SYNE1: variants seen among roughly 807,000 people sequenced by gnomAD.
SYNE1 encodes the protein spectrin repeat containing nuclear envelope protein 1.
SYNE1 carries 616 observed loss-of-function variants against 1,111.0 expected under a neutral mutation model. The ratio of observed to expected loss-of-function variants is 0.55; its 90% CI spans 0.52 to 0.59. The LOEUF is 0.59. Ranked by LOEUF, SYNE1 falls within the 20% of genes least tolerant of loss-of-function variation. The pLI, the probability that SYNE1 is intolerant of heterozygous loss-of-function variation, is 0.00. For missense variants in SYNE1, 10,006 were observed against 10,417.0 expected (o/e 0.96, Z 1.72); for synonymous variants, 3,855 against 3,825.8 (o/e 1.01, Z -0.28).
chr6:152,366,638 G>A (rs988036650), intron 62 of SYNE1, among the ~76,000 whole-genome samples: 1 of 152,130 alleles, frequency 6.6e-6, no homozygotes, highest in African/African-American at 2.4e-5. Flanking sequence ...AAATACATCT[G>A]CATCTGTGGT....
intron 6 of SYNE1, among the ~76,000 whole-genome samples, chr6:152,516,508 C>T (rs558861824): frequency 1.3e-5 from 2 of 152,282 alleles, no homozygotes; most frequent in South Asian, 4.1e-4. Flanking sequence ...ATCAATATAA[C>T]TCAGAATGAA....
chr6:152,572,724 A>C (rs2099469692), intron 3 of SYNE1, among the ~76,000 whole-genome samples: 1 of 152,196 alleles, frequency 6.6e-6, no homozygotes, highest in Non-Finnish European at 1.5e-5. Context: ...AAAAGGAGAG[A>C]GAGCGGAGGT....
intron 3 of SYNE1, among the ~76,000 whole-genome samples, chr6:152,591,986 G>C (rs1009991427): frequency 4.6e-5 from 7 of 152,018 alleles, no homozygotes; most frequent in African/African-American, 1.4e-4. Flanking sequence ...TCTCACACTA[G>C]TCAGAATGGA....
At chr6:152,434,182 C>T (rs976220342) in intron 33 of SYNE1, 3 of 523,490 alleles carry the variant, frequency 5.7e-6, no homozygotes, top group Non-Finnish European at 1.0e-5. Flanking sequence ...AGTGAAACTG[C>T]ACTTTGAACA....
At chr6:152,413,325 A>T (rs201969038) in intron 42 of SYNE1, 27 bp downstream of exon 42, 205 of 1,613,874 alleles carry the variant, frequency 1.3e-4, no homozygotes, top group Admixed American at 2.0e-4. Flanking sequence ...GAAGCTAAAA[A>T]CAAGAACTGG....
intron 46 of SYNE1, among the ~76,000 whole-genome samples, chr6:152,403,099 G>C (rs927932218): frequency 1.3e-5 from 2 of 152,130 alleles, no homozygotes; most frequent in African/African-American, 4.8e-5. Context: ...CAAAGAGAAA[G>C]CACAAGAAGA....
rs867622507 is a variant in SYNE1 at position 152,437,612 on chromosome 6, G to A, written c.4150-1511C>T. On this transcript the variant is annotated intron_variant, in intron 32 of 145. Transcript: ENST00000367255. ...AGTTGATTTAGTATGTATGTGGCTG[G>A]TAAATATTAGATGTTACCTGAATTT... 2.0e-5 allele frequency among the ~76,000 whole-genome samples: 3 copies of A among 152,044 alleles called. No individual in the cohort carries two copies. In the South Asian group the frequency reaches 6.2e-4, roughly 32 times the overall value.
chr6:152,171,119 C>T (rs553785838), intron 130 of SYNE1, among the ~76,000 whole-genome samples: 28 of 152,290 alleles, frequency 1.8e-4, no homozygotes, highest in African/African-American at 6.3e-4. Context: ...CACCCAGTCT[C>T]GAGTTGTCTT....
At chr6:152,474,824 T>C (rs917850821) in intron 14 of SYNE1, among the ~76,000 whole-genome samples, 5 of 152,170 alleles carry the variant, frequency 3.3e-5, no homozygotes, top group Non-Finnish European at 7.3e-5. Flanking sequence ...CTAGAGTTTA[T>C]AACTTTCTTG....
intron 2 of SYNE1, among the ~76,000 whole-genome samples, chr6:152,630,483 T>C (rs567625626): frequency 6.6e-6 from 1 of 152,300 alleles, no homozygotes. Context: ...CTGTATATCC[T>C]GGGGAAAAAT....
chr6:152,307,260 A>G (rs1160129077), intron 91 of SYNE1, among the ~76,000 whole-genome samples: 2 of 152,228 alleles, frequency 1.3e-5, no homozygotes, highest in Non-Finnish European at 2.9e-5. Context: ...TCATATATAA[A>G]TGAAAATTAT....
intron 3 of SYNE1, among the ~76,000 whole-genome samples, chr6:152,600,827 A>G (rs1202760989): frequency 6.6e-6 from 1 of 152,196 alleles, no homozygotes; most frequent in Non-Finnish European, 1.5e-5. Context: ...AAAATTTTTC[A>G]GTAATTCAGA....
Position 152,325,198 on chromosome 6 carries a change from C to A in SYNE1, c.15543G>T (p.Leu5181=). 6.2e-7 allele frequency: 1 copy of A among 1,614,128 alleles called. No individual in the cohort carries two copies. Among genetic ancestry groups the A allele is most frequent in the Non-Finnish European group, 8.5e-7 (1 of 1,180,046 alleles). The change falls in exon 81 of 146, where the codon CTG becomes CTT. Residue 5181 remains leucine (L), a synonymous_variant. Coordinates refer to ENST00000367255, the MANE Select transcript of SYNE1 (RefSeq NM_182961.4). ...GCCAGACGGTGGTCATTGACCTGCT[C>A]AGGGTGGCTTTGCTGGCATCATTTC... ...KTGNDASKAT[L]SRSMTTVWQR...
intron 76 of SYNE1, chr6:152,336,633 C>T (rs994126569): frequency 1.5e-6 from 1 of 649,094 alleles, no homozygotes; most frequent in Non-Finnish European, 2.7e-6. Context: ...TGCTTGCTCG[C>T]CTCCCACTGT....
At position 152,242,453 on chromosome 6, in the gene SYNE1, G is replaced by C; in HGVS notation, c.19693-13C>G. 6.2e-7 allele frequency: 1 copy of C among 1,613,596 alleles called. No individual in the cohort carries two copies. Among genetic ancestry groups the C allele is most frequent in the South Asian group, 1.1e-5 (1 of 91,058 alleles). On this transcript the variant is annotated splice_polypyrimidine_tract_variant and intron_variant, in intron 106 of 145. Coordinates refer to ENST00000367255, the MANE Select transcript of SYNE1 (RefSeq NM_182961.4). ...CATCATACATGTCCTAAGAAGCAGA[G>C]ACCACAAGACTCACTCTCAATTCAT...
chr6:152,440,868 G>A (rs2098523441), intron 32 of SYNE1, among the ~76,000 whole-genome samples: 1 of 152,002 alleles, frequency 6.6e-6, no homozygotes, highest in South Asian at 2.1e-4. Context: ...CGCGCGGCCT[G>A]CCTCCAGATT....
Position 152,171,549 on chromosome 6 carries a change from G to A in SYNE1, c.23627+4845C>T, listed in dbSNP as rs540430061. Among the ~76,000 whole-genome samples, 13 of 152,274 alleles carry A rather than the reference G, an allele frequency of 8.5e-5. No homozygotes were observed. The East Asian group carries it at 1.5e-3, about 18-fold the overall frequency. The stretch of plus-strand genomic sequence containing the variant: ...TATGAAGGAGAAGCCTACTGAGCCC[G>A]TAAGAAGAATCTGATCTAATCTGGA... On this transcript the variant is annotated intron_variant, in intron 130 of 145. Coordinates refer to ENST00000367255, the MANE Select transcript of SYNE1 (RefSeq NM_182961.4).
intron 8 of SYNE1, among the ~76,000 whole-genome samples, chr6:152,505,858 T>C (rs1053372345): frequency 1.3e-5 from 2 of 152,206 alleles, no homozygotes; most frequent in Non-Finnish European, 2.9e-5. Context: ...ACGTTTCTAA[T>C]GGGAAGCAGC....
At chr6:152,512,953 G>A (rs1430384339) in intron 6 of SYNE1, among the ~76,000 whole-genome samples, 1 of 152,208 alleles carries the variant, frequency 6.6e-6, no homozygotes, top group Non-Finnish European at 1.5e-5. Context: ...CAGAGCAGAA[G>A]GATGTTGAGC....
Sources: gnomAD v4.1 joint callset for allele counts (sites outside exome capture counted in the v4.1 genomes callset) on GRCh38, gnomAD v4.1.1 for gene constraint, MANE v1.5 for transcripts, NCBI Gene and HGNC (gene_info 2026-07-23, HGNC 2026-07-21) for gene names.